The following PTER variants were observed in gnomAD, a reference collection of about 807,000 sequenced individuals.
The protein encoded by PTER is phosphotriesterase related.
PTER carries 38 observed loss-of-function variants against 29.6 expected under a neutral mutation model. The ratio of observed to expected loss-of-function variants is 1.28; its 90% CI spans 0.99 to 1.68. The LOEUF (loss-of-function observed/expected upper bound fraction) is 1.68, where lower values mean the gene tolerates loss of function less well. PTER is among the 40% of genes most tolerant of loss of function. The pLI is 0.00. For missense variants in PTER, 482 were observed against 427.8 expected, an observed-to-expected ratio of 1.13 and a Z score of -1.12; for synonymous variants, 172 against 154.5, an observed-to-expected ratio of 1.11 and a Z score of -0.84.
At chr10:16,488,248 A>G (rs1835774570) in intron 3 of PTER, among the ~76,000 whole-genome samples, 1 of 152,060 alleles carries the variant, frequency 6.6e-6, no homozygotes, top group African/African-American at 2.4e-5. Flanking sequence ...TGAAAACTAG[A>G]CTCTTTGGAC....
rs757762578 is a variant in PTER, at chr10:16,484,633, A to T, written c.249A>T (p.Glu83Asp). 1 of 1,614,076 alleles carries T rather than the reference A, an allele frequency of 6.2e-7. No individual in the cohort carries two copies. The highest frequency in any genetic ancestry group is 1.7e-5 in the Admixed American group (1 of 59,996). Residue 83 changes from glutamate to aspartate, a missense_variant, in exon 2 of 5, where the codon GAA (glutamate) becomes GAT (aspartate). Coordinates refer to ENST00000535784, the MANE Select transcript of PTER (RefSeq NM_001261836.2). ...AGGAGACAGAAGCCATAAAGGAAGAACTGTTGTATTTTAAAGCTAATGGTG... is the reference window on the plus strand; with the variant it reads ...AGGAGACAGAAGCCATAAAGGAAGATCTGTTGTATTTTAAAGCTAATGGTG... ...LNQETEAIKE[E>D]LLYFKANGGG... is the part of the protein sequence containing the mutation.
intron 3 of PTER, among the ~76,000 whole-genome samples, chr10:16,500,228 CTTT>C (rs72171974): frequency 2.0e-5 from 3 of 146,802 alleles, no homozygotes; most frequent in Admixed American, 6.8e-5. Context: ...ATAGGGATTA[CTTT>C]TTTTTTTTTT....
rs570614663 is a variant in PTER, at chr10:16,485,408, CA to C, written c.432+596del. Among the ~76,000 whole-genome samples, 24 of 152,194 alleles carry C rather than the reference CA, an allele frequency of 1.6e-4. 1 individual carries two copies. The East Asian group carries it at 3.9e-3, about 24-fold the overall frequency. ...GTTTAGGGACAAAAAGAATAAGGTG[CA>C]AAACCTTTTTTGCACGTGTATGTGT... On this transcript the variant is annotated intron_variant, in intron 2 of 4. Transcript: ENST00000535784.
At chr10:16,447,584 A>G (rs1834061423) in intron 1 of PTER, among the ~76,000 whole-genome samples, 3 of 152,212 alleles carry the variant, frequency 2.0e-5, no homozygotes. Context: ...ACAATTTTTT[A>G]TAAGTTGTTT....
At chr10:16,464,622 C>G (rs1343614236) in intron 1 of PTER, among the ~76,000 whole-genome samples, 2 of 152,186 alleles carry the variant, frequency 1.3e-5, no homozygotes, top group East Asian at 1.9e-4. Context: ...AATGTACAAC[C>G]TACAATCAGC....
intron 1 of PTER, among the ~76,000 whole-genome samples, chr10:16,464,429 C>G (rs911287962): frequency 2.6e-5 from 4 of 152,122 alleles, no homozygotes. Context: ...TATTACAATA[C>G]TTTTGTAAGT....
At chr10:16,466,466 A>G (rs7921034) in intron 1 of PTER, among the ~76,000 whole-genome samples, 92,505 of 152,060 alleles carry the variant, frequency 0.61, 28,982 homozygotes, top group East Asian at 0.81. Flanking sequence ...AGTGATTCTC[A>G]TGACTCAGCC....
At chr10:16,459,043 T>G (rs1169927187) in intron 1 of PTER, among the ~76,000 whole-genome samples, 1 of 152,168 alleles carries the variant, frequency 6.6e-6, no homozygotes, top group Non-Finnish European at 1.5e-5. Context: ...CCTTAAAAAT[T>G]CTACCCCCAG....
chr10:16,479,448 G>C (rs952763693), intron 1 of PTER, among the ~76,000 whole-genome samples: 1 of 151,686 alleles, frequency 6.6e-6, no homozygotes, highest in Non-Finnish European at 1.5e-5. Context: ...TTGCAGGTCT[G>C]AACCTGTATG....
At chr10:16,502,255 T>C (rs761319231) in intron 3 of PTER, among the ~76,000 whole-genome samples, 6 of 152,166 alleles carry the variant, frequency 3.9e-5, no homozygotes. Context: ...CTGAATTTAC[T>C]CAAAAGGAAA....
chr10:16,516,651 A>G (rs1405236446), downstream of PTER, among the ~76,000 whole-genome samples: 1 of 152,210 alleles, frequency 6.6e-6, no homozygotes, highest in Admixed American at 6.5e-5. Context: ...AACAGGACAT[A>G]CTAAAATTAC....
At chr10:16,480,293 A>C (rs1296756206) in intron 1 of PTER, among the ~76,000 whole-genome samples, 1 of 150,808 alleles carries the variant, frequency 6.6e-6, no homozygotes, top group Non-Finnish European at 1.5e-5. Flanking sequence ...AGGTTCAAGC[A>C]ATTCTCCTGC....
intron 1 of PTER, among the ~76,000 whole-genome samples, chr10:16,472,230 G>T (rs1835079714): frequency 1.3e-5 from 2 of 152,142 alleles, no homozygotes; most frequent in African/African-American, 4.8e-5. Context: ...GCTAGTATAA[G>T]TTCCTTAAAT....
intron 1 of PTER, among the ~76,000 whole-genome samples, chr10:16,455,326 G>A (rs1296872547): frequency 6.6e-6 from 1 of 152,128 alleles, no homozygotes; most frequent in African/African-American, 2.4e-5. Flanking sequence ...GAAAAGTACT[G>A]CCCTGGCCCC....
chr10:16,506,810 A>G (rs1310268538), intron 4 of PTER, among the ~76,000 whole-genome samples: 1 of 151,614 alleles, frequency 6.6e-6, no homozygotes, highest in East Asian at 2.0e-4. Flanking sequence ...AGAGCAGGAG[A>G]AAGGCTAGGA....
intron 3 of PTER, among the ~76,000 whole-genome samples, chr10:16,489,170 C>T (rs977216303): frequency 6.6e-6 from 1 of 152,168 alleles, no homozygotes; most frequent in Non-Finnish European, 1.5e-5. Flanking sequence ...CTATTTACTA[C>T]TTCTCTTTCC....
At chr10:16,501,781 T>A (rs1836359756) in intron 3 of PTER, among the ~76,000 whole-genome samples, 1 of 152,212 alleles carries the variant, frequency 6.6e-6, no homozygotes, top group South Asian at 2.1e-4. Flanking sequence ...CAGCGTAAGT[T>A]CTAACTTTGA....
At chr10:16,476,842 C>T (rs1835284078) in intron 1 of PTER, among the ~76,000 whole-genome samples, 1 of 151,472 alleles carries the variant, frequency 6.6e-6, no homozygotes. Flanking sequence ...GAATTACAGG[C>T]TTGAGCTGCT....
At chr10:16,440,623 G>C (rs1043508050) in intron 1 of PTER, among the ~76,000 whole-genome samples, 1 of 152,180 alleles carries the variant, frequency 6.6e-6, no homozygotes, top group Non-Finnish European at 1.5e-5. Flanking sequence ...AACGCAAGTG[G>C]AGTGACCTGT....
Sources: gnomAD v4.1 joint callset for allele counts (sites outside exome capture counted in the v4.1 genomes callset) on GRCh38, gnomAD v4.1.1 for gene constraint, MANE v1.5 for transcripts, NCBI Gene and HGNC (gene_info 2026-07-23, HGNC 2026-07-21) for gene names.